The following ECE1 variants were observed in gnomAD, a reference collection of about 807,000 sequenced individuals.
ECE1 encodes the protein endothelin converting enzyme 1, also known as endothelin-converting enzyme 1.
ECE1 carries 35 observed loss-of-function variants against 98.6 expected under a neutral mutation model. The ratio of observed to expected loss-of-function variants is 0.35; its 90% CI spans 0.27 to 0.47. The LOEUF (loss-of-function observed/expected upper bound fraction) is 0.47. ECE1 is among the 20% of genes least tolerant of loss of function. The pLI is 1.00. For synonymous variants in ECE1, 394 were observed against 407.1 expected, an observed-to-expected ratio of 0.97 and a Z score of 0.39; for missense variants, 814 against 1,025.3, an observed-to-expected ratio of 0.79 and a Z score of 2.81.
intron 1 of ECE1, among the ~76,000 whole-genome samples, chr1:21,324,767 G>A (rs1639040208): frequency 6.6e-6 from 1 of 152,186 alleles, no homozygotes; most frequent in African/African-American, 2.4e-5. Context: ...AGGCGGAGGT[G>A]GCAGAGATAA....
chr1:21,296,962 T>A (rs1638369324), intron 1 of ECE1, among the ~76,000 whole-genome samples: 1 of 152,086 alleles, frequency 6.6e-6, no homozygotes. Context: ...TGGGGAGGCC[T>A]CAAGGTGAGA....
chr1:21,266,757 A>G (rs1388440712), intron 4 of ECE1: 1 of 152,224 alleles, frequency 6.6e-6, no homozygotes, highest in East Asian at 1.9e-4. Flanking sequence ...ATTTACAAGT[A>G]AGAGGTTGGG....
At chr1:21,241,248 C>G (rs569708189) in intron 10 of ECE1, among the ~76,000 whole-genome samples, 89 of 152,004 alleles carry the variant, frequency 5.9e-4, no homozygotes, top group African/African-American at 2.0e-3. Flanking sequence ...GTTGGCCAGT[C>G]TGGTCTCGAA....
At position 21,217,665 on chromosome 1, in the gene ECE1, G is replaced by C. The variant is rs1250819765; in HGVS notation, c.*2290C>G. ...CTCCACGCGGAAGGCAGGAGGGTCG[G>C]GGGAGGGGAGGCAGAGGGGACACCA... On this transcript the variant is annotated 3_prime_UTR_variant, in exon 19 of 19. Coordinates refer to ENST00000374893, the MANE Select transcript of ECE1 (RefSeq NM_001397.3). 3 of 152,488 alleles carry C rather than the reference G, an allele frequency of 2.0e-5. No individual in the cohort carries two copies. The highest frequency in any genetic ancestry group is 7.2e-5 in the African/African-American group (3 of 41,468). The allele number at this position is 152,488 out of a possible 1,614,324, so 9.4% of individuals were successfully genotyped here.
chr1:21,338,823 G>A (rs572693208), intron 1 of ECE1, among the ~76,000 whole-genome samples: 90 of 152,336 alleles, frequency 5.9e-4, no homozygotes, highest in African/African-American at 2.1e-3. Context: ...AGGGAGGTGG[G>A]AGGCTCTGCT....
Position 21,290,273 on chromosome 1 carries a change from C to G in ECE1, c.51+91G>C, listed in dbSNP as rs1390136532. ...GCCGCGCCCCGCCCCGGCCTGGACA[C>G]CCGAGACCGAGACCGGCCCACGGAG... On this transcript the variant is annotated intron_variant, in intron 1 of 18. Coordinates refer to ENST00000374893, the MANE Select transcript of ECE1 (RefSeq NM_001397.3). The surrounding 1 kb of genome is among the most constrained non-coding windows in gnomAD (Gnocchi z 7.3). 7.6e-7 allele frequency: 1 copy of G among 1,317,784 alleles called. No homozygotes were observed. The highest frequency in any genetic ancestry group is 1.5e-5 in the African/African-American group (1 of 64,976). The allele number at this position is 1,317,784 out of a possible 1,614,324, so 81.6% of individuals were successfully genotyped here.
At chr1:21,222,174 GCA>G (rs34333838) in intron 17 of ECE1, 681 of 367,932 alleles carry the variant, frequency 1.9e-3, no homozygotes, top group East Asian at 3.0e-3. Flanking sequence ...GTGTGTGCAT[GCA>G]CACACACACA....
intron 2 of ECE1, chr1:21,279,769 G>C: frequency 1.7e-6 from 2 of 1,157,476 alleles, no homozygotes; most frequent in Non-Finnish European, 1.1e-6. Flanking sequence ...ACACTTCCCA[G>C]AAGCACAGAC....
intron 1 of ECE1, among the ~76,000 whole-genome samples, chr1:21,316,520 C>T (rs1437504067): frequency 1.3e-5 from 2 of 152,020 alleles, no homozygotes; most frequent in East Asian, 1.9e-4. Flanking sequence ...GTGATCCACC[C>T]GTCTCGGCCT....
Position 21,233,946 on chromosome 1 carries a change from T to C in ECE1, c.1567-285A>G, listed in dbSNP as rs2098184958. Among the ~76,000 whole-genome samples the C allele has an allele frequency of 6.6e-6, 1 of 152,158 alleles. No homozygotes were observed. Among genetic ancestry groups the C allele is most frequent in the Non-Finnish European group, 1.5e-5 (1 of 68,030 alleles). The stretch of plus-strand genomic sequence containing the variant: ...CTGCGATGATGGATGTTCTGTGCTC[T>C]ATGCCTGCGCTGTCCAGTATGGCAG... On this transcript the variant is annotated intron_variant, in intron 13 of 18. Transcript: ENST00000374893. This position sits in a 1 kb window ranked among gnomAD's most constrained non-coding sequence, Gnocchi z 4.0.
intron 1 of ECE1, among the ~76,000 whole-genome samples, chr1:21,315,212 T>C (rs1306575474): frequency 6.6e-6 from 1 of 152,236 alleles, no homozygotes; most frequent in African/African-American, 2.4e-5. Flanking sequence ...AGCTAATAAG[T>C]GGCAGATCTG....
Position 21,232,455 on chromosome 1 carries a change from C to T in ECE1, c.1670+1103G>A, listed in dbSNP as rs528374122. Among the ~76,000 whole-genome samples the T allele has an allele frequency of 2.4e-4, 37 of 152,120 alleles. 1 individual carries two copies. The highest frequency in any genetic ancestry group is 6.5e-4 in the African/African-American group (27 of 41,494). Reference sequence around the variant, plus strand: ...CTGGGACTACAGGTTCGTGCCACCACGTCCAGCTAATTTTAAAAATTTTTT... The same window carrying T: ...CTGGGACTACAGGTTCGTGCCACCATGTCCAGCTAATTTTAAAAATTTTTT... On this transcript the variant is annotated intron_variant, in intron 14 of 18. Coordinates refer to ENST00000374893, the MANE Select transcript of ECE1 (RefSeq NM_001397.3).
At chr1:21,256,181 C>T in intron 7 of ECE1, 43 bp from the exon 8 acceptor site, 1 of 1,569,142 alleles carries the variant, frequency 6.4e-7, no homozygotes. Context: ...TGCCCCCCCA[C>T]TATCCACTGG....
Position 21,243,017 on chromosome 1 carries a change from A to C in ECE1, c.1278+1972T>G, listed in dbSNP as rs888367988. Reference sequence around the variant, plus strand: ...AATAATTCCTCATCCCTCTTCCTCCATATCAGCCCTTGGCAACCACAGGGA... The same window carrying C: ...AATAATTCCTCATCCCTCTTCCTCCCTATCAGCCCTTGGCAACCACAGGGA... On this transcript the variant is annotated intron_variant, in intron 10 of 18. Transcript: ENST00000374893. 2.0e-5 allele frequency among the ~76,000 whole-genome samples: 3 copies of C among 152,174 alleles called. No homozygotes were observed. In the East Asian group the frequency reaches 5.8e-4, roughly 29 times the overall value.
intron 1 of ECE1, among the ~76,000 whole-genome samples, chr1:21,318,284 G>A (rs945053840): frequency 7.9e-5 from 12 of 152,182 alleles, no homozygotes; most frequent in African/African-American, 2.7e-4. Context: ...ACTGATCAGC[G>A]TTCCTGAGGG....
intron 1 of ECE1, among the ~76,000 whole-genome samples, chr1:21,308,512 G>A (rs1638646169): frequency 6.6e-6 from 1 of 152,070 alleles, no homozygotes; most frequent in Non-Finnish European, 1.5e-5. Flanking sequence ...AGGGAGCTCT[G>A]GCGTGTGTTC....
At chr1:21,263,612 C>T (rs906992239) in intron 4 of ECE1, among the ~76,000 whole-genome samples, 1 of 152,008 alleles carries the variant, frequency 6.6e-6, no homozygotes, top group African/African-American at 2.4e-5. Flanking sequence ...CTTCAGCCTC[C>T]CCAAATGCTG....
rs148666031 is a variant in ECE1, at chr1:21,297,845, T to G, written c.4-7689A>C. On this transcript the variant is annotated intron_variant, in intron 1 of 18. Transcript: ENST00000415912. ...AGCCATGGCTCTTGTTGTTGTTGTT[T>G]TTTTTTTTAAGAGACTAGGTCTCGC... Among the ~76,000 whole-genome samples the G allele has an allele frequency of 9.0e-4, 137 of 151,394 alleles. 1 individual carries two copies. The East Asian group carries it at 0.017, about 19-fold the overall frequency.
intron 1 of ECE1, among the ~76,000 whole-genome samples, chr1:21,315,348 T>C (rs1183656482): frequency 6.6e-6 from 1 of 152,220 alleles, no homozygotes; most frequent in Non-Finnish European, 1.5e-5. Context: ...AGTTCCCCAA[T>C]GGATCAACCT....
Sources: allele counts gnomAD v4.1 joint callset (sites outside exome capture counted in the v4.1 genomes callset), GRCh38; gene constraint gnomAD v4.1.1; non-coding constraint Gnocchi (gnomAD v3.1); transcripts MANE v1.5; gene names NCBI Gene and HGNC (gene_info 2026-07-23, HGNC 2026-07-21).